The following NFIB variants were observed in gnomAD, a reference collection of about 807,000 sequenced individuals.
The protein encoded by NFIB is nuclear factor I B, also known as nuclear factor 1 B-type.
A neutral mutation model predicts 61.5 loss-of-function variants in NFIB; 11 were observed. The observed-to-expected ratio is 0.18, with a 90% confidence interval of 0.11 to 0.30. The LOEUF is 0.30. Ranked by LOEUF, NFIB falls within the 10% of genes least tolerant of loss-of-function variation. The pLI, the probability that NFIB is intolerant of heterozygous loss-of-function variation, is 1.00. For missense variants in NFIB, 471 were observed against 608.9 expected (o/e 0.77, Z 2.38); for synonymous variants, 260 against 216.5 (o/e 1.20, Z -1.76).
intron 2 of NFIB, 74 bp from the exon 3 acceptor site, chr9:14,179,854 A>G (rs2046568673): frequency 1.4e-6 from 2 of 1,427,086 alleles, no homozygotes; most frequent in Non-Finnish European, 1.9e-6. Flanking sequence ...AAAGGACTCG[A>G]AAAAAAAATT....
chr9:14,332,348 A>AC (rs1322143109), intron 1 of NFIB, among the ~76,000 whole-genome samples: 10 of 149,704 alleles, frequency 6.7e-5, no homozygotes, highest in East Asian at 2.0e-4. Flanking sequence ...AAAAAAAAAA[A>AC]AACACACAAG....
chr9:14,139,088 A>G (rs1217837902), intron 6 of NFIB, among the ~76,000 whole-genome samples: 1 of 152,130 alleles, frequency 6.6e-6, no homozygotes, highest in Non-Finnish European at 1.5e-5. Flanking sequence ...CAGTGTTTAA[A>G]TCTCCTAGGC....
At chr9:14,309,006 T>A (rs80300155) in intron 1 of NFIB, among the ~76,000 whole-genome samples, 2 of 152,138 alleles carry the variant, frequency 1.3e-5, no homozygotes, top group Non-Finnish European at 2.9e-5. Flanking sequence ...AAGCCAAGAT[T>A]TGAAGCAAAT....
intron 1 of NFIB, among the ~76,000 whole-genome samples, chr9:14,349,802 G>C (rs1301984942): frequency 6.6e-6 from 1 of 152,186 alleles, no homozygotes; most frequent in East Asian, 1.9e-4. Flanking sequence ...ATAGGGATGA[G>C]AGTTGAGACT....
At chr9:14,117,747 T>C (rs564676624) in intron 8 of NFIB, among the ~76,000 whole-genome samples, 1 of 152,246 alleles carries the variant, frequency 6.6e-6, no homozygotes, top group African/African-American at 2.4e-5. Context: ...TGACCAGAGT[T>C]TTCCAATATG....
rs59484635 is a variant in NFIB at position 14,392,718 on chromosome 9, CA to C, written c.108+5805del. On this transcript the variant is annotated intron_variant, in intron 1 of 8. Transcript: ENST00000380934. ...AAGGTGGCAGAGCAAGACCTTGTCT[CA>C]AAAAAAAAAAGAAAAAGAGATTATT... Among the ~76,000 whole-genome samples, 208 of 122,582 alleles carry C rather than the reference CA, an allele frequency of 1.7e-3. 1 individual carries two copies. In the Middle Eastern group the frequency reaches 0.031, roughly 18 times the overall value. The allele number at this position is 122,582 out of a possible 152,430, so 80.4% of individuals were successfully genotyped here.
chr9:14,471,896 T>G, the NFIB span, among the ~76,000 whole-genome samples: 1 of 152,176 alleles, frequency 6.6e-6, no homozygotes, highest in Non-Finnish European at 1.5e-5. Flanking sequence ...GATCCACCTG[T>G]GTTAGGCAGG....
Position 14,094,837 on chromosome 9 carries a change from T to A in NFIB, c.1468-6511A>T, listed in dbSNP as rs181158390. Reference sequence around the variant, plus strand: ...GGGACCAACGGTTTTGAAAATAGCATATCAAAATGGTAGCCCATCAAACCT... The same window carrying A: ...GGGACCAACGGTTTTGAAAATAGCAAATCAAAATGGTAGCCCATCAAACCT... On this transcript the variant is annotated intron_variant, in intron 10 of 10. Transcript: ENST00000380953. Among the ~76,000 whole-genome samples, 18 of 152,264 alleles carry A rather than the reference T, an allele frequency of 1.2e-4. 1 individual carries two copies. The East Asian group carries it at 2.9e-3, about 24-fold the overall frequency.
chr9:14,372,317 G>T (rs1358368193), intron 1 of NFIB, among the ~76,000 whole-genome samples: 1 of 152,070 alleles, frequency 6.6e-6, no homozygotes, highest in Admixed American at 6.5e-5. Context: ...TTAAGCATAA[G>T]GAGCCTCTAA....
chr9:14,206,695 C>CAAA (rs889983433), intron 2 of NFIB, among the ~76,000 whole-genome samples: 33 of 71,256 alleles, frequency 4.6e-4, no homozygotes, highest in Non-Finnish European at 6.8e-4. Context: ...ACATGCTTTA[C>CAAA]AAAAAAAAAA....
chr9:14,412,776 A>G, the NFIB span, among the ~76,000 whole-genome samples: 3 of 152,148 alleles, frequency 2.0e-5, no homozygotes, highest in African/African-American at 4.8e-5. Context: ...ACGTAATTAA[A>G]CTAGACCCAG....
intron 10 of NFIB, among the ~76,000 whole-genome samples, chr9:14,108,187 C>T (rs1234267301): frequency 6.6e-6 from 1 of 152,056 alleles, no homozygotes; most frequent in Non-Finnish European, 1.5e-5. Flanking sequence ...TAGCGTTTTA[C>T]GTCAAGCTGT....
chr9:14,472,657 C>T, the NFIB span, among the ~76,000 whole-genome samples: 1 of 151,920 alleles, frequency 6.6e-6, no homozygotes, highest in Admixed American at 6.6e-5. Flanking sequence ...CTGGCTAACA[C>T]GGTGAAACCC....
chr9:14,286,120 C>A (rs2058693252), intron 2 of NFIB, among the ~76,000 whole-genome samples: 1 of 152,176 alleles, frequency 6.6e-6, no homozygotes, highest in African/African-American at 2.4e-5. Context: ...CTGCTGACAT[C>A]TGAGGAATTG....
At chr9:14,109,649 A>C (rs2037057958) in intron 10 of NFIB, among the ~76,000 whole-genome samples, 1 of 152,144 alleles carries the variant, frequency 6.6e-6, no homozygotes, top group Admixed American at 6.5e-5. Flanking sequence ...GACTAGTTCT[A>C]GACTTGAAAA....
chr9:14,487,651 G>T, the NFIB span, among the ~76,000 whole-genome samples: 1 of 152,144 alleles, frequency 6.6e-6, no homozygotes, highest in African/African-American at 2.4e-5. Flanking sequence ...AAATCCATCA[G>T]GGATGTGATT....
the NFIB span, among the ~76,000 whole-genome samples, chr9:14,517,591 G>A: frequency 7.0e-6 from 1 of 142,396 alleles, no homozygotes; most frequent in African/African-American, 2.5e-5. Context: ...TTGTCCTGCA[G>A]TGGATGTGTG....
At chr9:14,407,769 T>G in the NFIB span, among the ~76,000 whole-genome samples, 1 of 152,152 alleles carries the variant, frequency 6.6e-6, no homozygotes, top group Non-Finnish European at 1.5e-5. Context: ...TCACTGTAAC[T>G]TAAACTCCTG....
chr9:14,274,004 T>C (rs559477143), intron 2 of NFIB, among the ~76,000 whole-genome samples: 9 of 152,262 alleles, frequency 5.9e-5, no homozygotes, highest in Middle Eastern at 3.4e-3. Flanking sequence ...CAGTGAGCAA[T>C]GTTATCTACA....
Sources: gnomAD v4.1 joint callset for allele counts (sites outside exome capture counted in the v4.1 genomes callset) on GRCh38, gnomAD v4.1.1 for gene constraint, MANE v1.5 for transcripts, NCBI Gene and HGNC (gene_info 2026-07-23, HGNC 2026-07-21) for gene names.